Variants in LRP1B observed in about 807,000 individuals in gnomAD.
The protein encoded by LRP1B is low-density lipoprotein receptor-related protein 1B.
Under a neutral mutation model 556.6 loss-of-function variants are expected in LRP1B, and 217 were observed. The observed-to-expected ratio is 0.39, with a 90% CI of 0.35 to 0.44. The LOEUF (loss-of-function observed/expected upper bound fraction) is 0.44, where lower values mean the gene tolerates loss of function less well. LRP1B is among the 20% of genes least tolerant of loss of function. LRP1B has a pLI of 1.00. For missense variants in LRP1B, 5,053 were observed against 5,620.8 expected, an observed-to-expected ratio of 0.90 and a Z score of 3.23; for synonymous variants, 2,047 against 1,865.8, an observed-to-expected ratio of 1.10 and a Z score of -2.50.
chr2:140,577,346 G>T (rs192343347), intron 43 of LRP1B, among the ~76,000 whole-genome samples: 5 of 151,928 alleles, frequency 3.3e-5, no homozygotes, highest in Non-Finnish European at 7.4e-5. Flanking sequence ...AGCTGGGCCT[G>T]GTGGTGCGCA....
intron 2 of LRP1B, among the ~76,000 whole-genome samples, chr2:141,743,188 T>C (rs887942933): frequency 6.6e-6 from 1 of 152,176 alleles, no homozygotes; most frequent in Admixed American, 6.6e-5. Context: ...TTAATTGAAA[T>C]AATCATATGG....
chr2:140,538,057 T>C (rs1679994480), intron 45 of LRP1B, among the ~76,000 whole-genome samples: 1 of 152,148 alleles, frequency 6.6e-6, no homozygotes, highest in African/African-American at 2.4e-5. Context: ...TGAAAGAATA[T>C]AGCTTAATTC....
chr2:142,024,401 G>T (rs1303555598), intron 1 of LRP1B, among the ~76,000 whole-genome samples: 2 of 152,106 alleles, frequency 1.3e-5, no homozygotes, highest in Non-Finnish European at 2.9e-5. Flanking sequence ...CCCTTGCCTT[G>T]GAGTTTCTCA....
At chr2:141,013,043 T>C (rs890086269) in intron 14 of LRP1B, among the ~76,000 whole-genome samples, 1 of 151,934 alleles carries the variant, frequency 6.6e-6, no homozygotes, top group Non-Finnish European at 1.5e-5. Context: ...TAAGAAGACA[T>C]GAATATTGTT....
chr2:140,674,786 T>G (rs1336253849), intron 41 of LRP1B, among the ~76,000 whole-genome samples: 1 of 152,252 alleles, frequency 6.6e-6, no homozygotes, highest in Non-Finnish European at 1.5e-5. Flanking sequence ...GGTTAAATAT[T>G]TTGAATAGTT....
chr2:141,294,680 C>A (rs1021077808), intron 3 of LRP1B, among the ~76,000 whole-genome samples: 1 of 150,052 alleles, frequency 6.7e-6, no homozygotes, highest in African/African-American at 2.5e-5. Flanking sequence ...TTCAAGGATA[C>A]GGTGCACCAT....
At chr2:140,874,335 C>T (rs1693236289) in intron 25 of LRP1B, among the ~76,000 whole-genome samples, 1 of 151,964 alleles carries the variant, frequency 6.6e-6, no homozygotes, top group East Asian at 1.9e-4. Context: ...TTTTGATTTT[C>T]TCTCCCCTTT....
chr2:141,355,131 G>T (rs1262522441), intron 3 of LRP1B, among the ~76,000 whole-genome samples: 1 of 151,770 alleles, frequency 6.6e-6, no homozygotes, highest in Non-Finnish European at 1.5e-5. Context: ...GATATATTTA[G>T]ACAAAATATC....
At chr2:141,755,450 A>T (rs58259743) in intron 2 of LRP1B, among the ~76,000 whole-genome samples, 1 of 151,850 alleles carries the variant, frequency 6.6e-6, no homozygotes. Context: ...AAATTAATAC[A>T]ACCATATGTT....
intron 1 of LRP1B, among the ~76,000 whole-genome samples, chr2:141,819,254 A>G (rs1294132397): frequency 7.5e-6 from 1 of 132,828 alleles, no homozygotes; most frequent in Non-Finnish European, 1.8e-5. Context: ...CAAACAAACA[A>G]ACAAAAAAAA....
intron 41 of LRP1B, among the ~76,000 whole-genome samples, chr2:140,652,318 A>G (rs1461664703): frequency 6.6e-6 from 1 of 152,096 alleles, no homozygotes; most frequent in Non-Finnish European, 1.5e-5. Context: ...ATATGGAAGA[A>G]GCTTACTGAA....
intron 2 of LRP1B, among the ~76,000 whole-genome samples, chr2:141,558,997 G>T (rs181826827): frequency 1.3e-5 from 2 of 151,392 alleles, no homozygotes; most frequent in East Asian, 3.9e-4. Flanking sequence ...TTAGCCTTAG[G>T]TTATTAATAT....
chr2:141,178,835 C>A (rs930883269), intron 7 of LRP1B, among the ~76,000 whole-genome samples: 9 of 136,756 alleles, frequency 6.6e-5, no homozygotes, highest in African/African-American at 2.3e-4. Flanking sequence ...TGAAAGGAAC[C>A]TTGATTCTTG....
intron 1 of LRP1B, among the ~76,000 whole-genome samples, chr2:142,078,914 T>G (rs139267921): frequency 5.8e-4 from 88 of 152,298 alleles, no homozygotes; most frequent in Middle Eastern, 3.4e-3. Context: ...GAGAAAATAT[T>G]CTATATGGCT....
At chr2:141,220,072 G>C (rs1367546698) in intron 6 of LRP1B, among the ~76,000 whole-genome samples, 1 of 152,122 alleles carries the variant, frequency 6.6e-6, no homozygotes, top group East Asian at 1.9e-4. Flanking sequence ...AACTAGGCTT[G>C]GGCCAAGATG....
intron 20 of LRP1B, 59 bp downstream of exon 20, chr2:140,950,176 A>G (rs1221181278): frequency 8.2e-7 from 1 of 1,223,690 alleles, no homozygotes; most frequent in Admixed American, 2.9e-5. Flanking sequence ...GTAATACCCT[A>G]AGTATTATTA....
chr2:141,750,773 C>T (rs1469312426), intron 2 of LRP1B, among the ~76,000 whole-genome samples: 1 of 151,894 alleles, frequency 6.6e-6, no homozygotes, highest in Non-Finnish European at 1.5e-5. Context: ...TAGGATTCTC[C>T]TTTTATCTAT....
At chr2:142,097,862 T>C (rs532434090) in intron 1 of LRP1B, among the ~76,000 whole-genome samples, 1 of 151,776 alleles carries the variant, frequency 6.6e-6, no homozygotes, top group African/African-American at 2.4e-5. Context: ...CACATGTAAA[T>C]AATGTATCGA....
chr2:140,456,728 A>G (rs962569529), intron 61 of LRP1B, 125 bp from the exon 62 acceptor site: 133 of 625,426 alleles, frequency 2.1e-4, no homozygotes, highest in Middle Eastern at 3.3e-4. Flanking sequence ...GTACTCAAGA[A>G]CTCATCAAGA....
Sources: gnomAD v4.1 joint callset for allele counts (sites outside exome capture counted in the v4.1 genomes callset) on GRCh38, gnomAD v4.1.1 for gene constraint, MANE v1.5 for transcripts, NCBI Gene and HGNC (gene_info 2026-07-23, HGNC 2026-07-21) for gene names.